The following GPATCH2L variants were observed in gnomAD, a reference collection of about 807,000 sequenced individuals.
The protein encoded by GPATCH2L is G patch domain-containing protein 2-like.
GPATCH2L carries 31 observed loss-of-function variants against 57.4 expected under a neutral mutation model. The observed-to-expected ratio is 0.54, with a 90% CI of 0.41 to 0.73. The LOEUF is 0.73. GPATCH2L is among the 30% of genes least tolerant of loss of function. GPATCH2L has a pLI of 0.00. For synonymous variants in GPATCH2L, 199 were observed against 210.7 expected, an observed-to-expected ratio of 0.94 and a Z score of 0.48; for missense variants, 481 against 599.9, an observed-to-expected ratio of 0.80 and a Z score of 2.07.
At chr14:76,233,010 C>T (rs1289530229) in intron 2 of GPATCH2L, among the ~76,000 whole-genome samples, 2 of 152,214 alleles carry the variant, frequency 1.3e-5, no homozygotes, top group African/African-American at 4.8e-5. Flanking sequence ...TCTTACCAGG[C>T]AGGACATCCC....
At chr14:76,175,312 C>A (rs986807031) in intron 5 of GPATCH2L, 1 of 152,092 alleles carries the variant, frequency 6.6e-6, no homozygotes. Flanking sequence ...TTGTTTAATT[C>A]ATCTTCATCA....
rs991571011 is a variant in GPATCH2L, at chr14:76,205,673, G to A, written c.*3822G>A. The A allele has an allele frequency of 6.6e-6, 1 of 152,242 alleles. No homozygotes were observed. Among genetic ancestry groups the A allele is most frequent in the African/African-American group, 2.4e-5 (1 of 41,458 alleles). 9.4% of individuals were successfully genotyped at this position (152,242 alleles called of 1,614,324 possible). On this transcript the variant is annotated 3_prime_UTR_variant, in exon 10 of 10. Coordinates refer to ENST00000261530, the MANE Select transcript of GPATCH2L (RefSeq NM_017926.4). ...GTATACCTGTAATATAGCCTGGGAA[G>A]TTCTGTTGCTGCAGAGTTATCATTA... is the stretch of plus-strand genomic sequence containing the variant.
chr14:76,219,261 C>T (rs866289456), downstream of GPATCH2L, among the ~76,000 whole-genome samples: 13 of 152,214 alleles, frequency 8.5e-5, no homozygotes, highest in Middle Eastern at 3.4e-3. Context: ...AAGGAAAACA[C>T]ATTAGCAATC....
chr14:76,197,366 TA>T (rs1253744742), intron 9 of GPATCH2L, among the ~76,000 whole-genome samples: 8 of 152,196 alleles, frequency 5.3e-5, no homozygotes, highest in Non-Finnish European at 1.5e-5. Context: ...TAATTGTTTA[TA>T]AGAGAGGAAC....
In GPATCH2L at chr14:76,178,776, C is replaced by T. The variant is rs899432364; in HGVS notation, c.1107+734C>T. The T allele has an allele frequency of 5.9e-4, 90 of 152,404 alleles. 1 individual carries two copies. The highest frequency in any genetic ancestry group is 2.0e-3 in the African/African-American group (85 of 41,466). The allele number at this position is 152,404 out of a possible 1,614,324, so 9.4% of individuals were successfully genotyped here. ...ACGATGGGGAGCAGCTGCTTGCTGA[C>T]AGCTCACCTCCTGCTGTGCGGCCCC... On this transcript the variant is annotated intron_variant, in intron 7 of 9. Transcript: ENST00000261530.
rs370221887 is a variant in GPATCH2L at position 76,209,402 on chromosome 14, C to G, written c.*7551C>G. The G allele has an allele frequency of 6.6e-6, 1 of 152,298 alleles. No homozygotes were observed. Among genetic ancestry groups the G allele is most frequent in the African/African-American group, 2.4e-5 (1 of 41,468 alleles). The allele number at this position is 152,298 out of a possible 1,614,324, so 9.4% of individuals were successfully genotyped here. A position where few individuals can be genotyped will look rare whatever the true frequency, so the allele number is the denominator to read the frequency against. ...AGCATATTAAAGGTCTCTGGTCCTT[C>G]TCTCACCTCCCTTGTTCCTCCTCCA... On this transcript the variant is annotated 3_prime_UTR_variant, in exon 10 of 10. Coordinates refer to ENST00000261530, the MANE Select transcript of GPATCH2L (RefSeq NM_017926.4).
At chr14:76,158,965 G>A (rs1449414612) in intron 2 of GPATCH2L, among the ~76,000 whole-genome samples, 9 of 152,180 alleles carry the variant, frequency 5.9e-5, no homozygotes, top group Non-Finnish European at 1.3e-4. Flanking sequence ...TGGCTCCACA[G>A]GACAGAACTC....
At chr14:76,182,476 C>T (rs1262192852) in intron 8 of GPATCH2L, among the ~76,000 whole-genome samples, 1 of 139,442 alleles carries the variant, frequency 7.2e-6, no homozygotes, top group Non-Finnish European at 1.5e-5. Context: ...GTCTCAGCTA[C>T]TTGGGAGGCT....
chr14:76,158,946 T>C (rs2038441585), intron 2 of GPATCH2L, among the ~76,000 whole-genome samples: 1 of 152,230 alleles, frequency 6.6e-6, no homozygotes, highest in African/African-American at 2.4e-5. Context: ...ATATTGGGAT[T>C]GTTCTGTGTG....
At position 76,212,281 on chromosome 14, in the gene GPATCH2L, C is replaced by T. The variant is rs1290704011; in HGVS notation, c.*10430C>T. 1 of 151,750 alleles carries T rather than the reference C, an allele frequency of 6.6e-6. No homozygotes were observed. Among genetic ancestry groups the T allele is most frequent in the Non-Finnish European group, 1.5e-5 (1 of 67,944 alleles). The allele number at this position is 151,750 out of a possible 1,614,324, so 9.4% of individuals were successfully genotyped here. ...GATAAAAGGCAAAAATGTCAGCAAA[C>T]ACTAATTTCATGTTATAAGATTCAG... On this transcript the variant is annotated 3_prime_UTR_variant, in exon 10 of 10. Coordinates refer to ENST00000261530, the MANE Select transcript of GPATCH2L (RefSeq NM_017926.4).
At chr14:76,167,884 A>T (rs527309499) in intron 3 of GPATCH2L, among the ~76,000 whole-genome samples, 1 of 152,188 alleles carries the variant, frequency 6.6e-6, no homozygotes, top group Non-Finnish European at 1.5e-5. Flanking sequence ...GCTTTTCTAC[A>T]GTGCTAAGAA....
At chr14:76,229,564 A>G (rs1462225280) in intron 1 of GPATCH2L, among the ~76,000 whole-genome samples, 3 of 152,164 alleles carry the variant, frequency 2.0e-5, no homozygotes, top group East Asian at 3.8e-4. Flanking sequence ...CTGGAAGCAG[A>G]GGCTCGTTCT....
At position 76,208,578 on chromosome 14, in the gene GPATCH2L, C is replaced by A. The variant is rs2040405809; in HGVS notation, c.*6727C>A. 2 of 152,932 alleles carry A rather than the reference C, an allele frequency of 1.3e-5. No individual in the cohort carries two copies. Among genetic ancestry groups the A allele is most frequent in the African/African-American group, 2.4e-5 (1 of 41,446 alleles). The allele number at this position is 152,932 out of a possible 1,614,324, so 9.5% of individuals were successfully genotyped here. On this transcript the variant is annotated 3_prime_UTR_variant, in exon 10 of 10. Transcript: ENST00000261530. ...TCCCACTTAGACACCCACACACACACACGCTTCCTTACCTTCTTGCCAGTG... is the reference window on the plus strand; with the variant it reads ...TCCCACTTAGACACCCACACACACAAACGCTTCCTTACCTTCTTGCCAGTG...
At chr14:76,198,406 A>T (rs1466650035) in intron 9 of GPATCH2L, among the ~76,000 whole-genome samples, 3 of 152,232 alleles carry the variant, frequency 2.0e-5, no homozygotes, top group Admixed American at 6.5e-5. Flanking sequence ...TAAAAAACAT[A>T]ATAAACCCAG....
chr14:76,179,622 C>G (rs1271468913), intron 7 of GPATCH2L: 1 of 152,216 alleles, frequency 6.6e-6, no homozygotes, highest in Admixed American at 6.5e-5. Flanking sequence ...AGAACAGTTG[C>G]TTAGTTTGTA....
intron 2 of GPATCH2L, among the ~76,000 whole-genome samples, chr14:76,164,070 G>A (rs1396324171): frequency 3.3e-5 from 5 of 152,240 alleles, no homozygotes; most frequent in Non-Finnish European, 7.4e-5. Context: ...ATTGTTTCTG[G>A]ATCTGGAGGC....
chr14:76,192,439 A>G (rs189634322), intron 8 of GPATCH2L, among the ~76,000 whole-genome samples: 92 of 152,264 alleles, frequency 6.0e-4, no homozygotes, highest in African/African-American at 2.0e-3. Flanking sequence ...TCTACCTCCT[A>G]TGAAATAGCT....
downstream of GPATCH2L, among the ~76,000 whole-genome samples, chr14:76,218,533 G>A (rs182735955): frequency 4.3e-4 from 66 of 151,760 alleles, no homozygotes; most frequent in African/African-American, 1.2e-3. Flanking sequence ...CCAAACAAAC[G>A]GGAAGATACA....
intron 8 of GPATCH2L, among the ~76,000 whole-genome samples, chr14:76,193,654 C>A (rs1460550915): frequency 1.3e-5 from 2 of 152,088 alleles, no homozygotes; most frequent in Non-Finnish European, 2.9e-5. Context: ...TCAGAAAGAA[C>A]CCCAGAAGCT....
Sources: allele counts gnomAD v4.1 joint callset (sites outside exome capture counted in the v4.1 genomes callset), GRCh38; gene constraint gnomAD v4.1.1; transcripts MANE v1.5; gene names NCBI Gene and HGNC (gene_info 2026-07-23, HGNC 2026-07-21).